The following ZHX3 variants were observed in gnomAD, a reference collection of about 807,000 sequenced individuals.
ZHX3 encodes zinc fingers and homeoboxes protein 3.
Under a neutral mutation model 64.5 loss-of-function variants are expected in ZHX3, and 20 were observed. That is an observed-to-expected ratio of 0.31 (90% CI 0.22 to 0.45). ZHX3 has a LOEUF of 0.45. ZHX3 is among the 20% of genes least tolerant of loss of function. The probability of loss-of-function intolerance (pLI) is 1.00; values close to 1 mark genes in which losing one functional copy is unlikely to be tolerated. For missense variants in ZHX3, 1,041 were observed against 1,195.8 expected (o/e 0.87, Z 1.91); for synonymous variants, 423 against 461.6 (o/e 0.92, Z 1.07).
intron 2 of ZHX3, among the ~76,000 whole-genome samples, chr20:41,257,929 G>A (rs1289423811): frequency 1.5e-5 from 2 of 136,140 alleles, no homozygotes; most frequent in Admixed American, 7.3e-5. Context: ...TTTTGAGACG[G>A]AGTTTTGCTC....
Position 41,184,833 on chromosome 20 carries a change from T to C in ZHX3, c.*358A>G. On this transcript the variant is annotated 3_prime_UTR_variant, in exon 4 of 4. Transcript: ENST00000683867. Reference sequence around the variant, plus strand: ...AGTTTCTACGTAATGACAGTGTTGATAATCTGATGTTTTATTTAACATATA... The same window carrying C: ...AGTTTCTACGTAATGACAGTGTTGACAATCTGATGTTTTATTTAACATATA... The C allele has an allele frequency of 7.1e-7, 1 of 1,412,990 alleles. No homozygotes were observed. The highest frequency in any genetic ancestry group is 9.4e-7 in the Non-Finnish European group (1 of 1,068,052). The allele number at this position is 1,412,990 out of a possible 1,614,324, so 87.5% of individuals were successfully genotyped here. A position where few individuals can be genotyped will look rare whatever the true frequency, so the allele number is the denominator to read the frequency against.
intron 3 of ZHX3, among the ~76,000 whole-genome samples, chr20:41,188,137 T>G (rs988449866): frequency 2.0e-5 from 3 of 152,144 alleles, no homozygotes; most frequent in African/African-American, 7.2e-5. Flanking sequence ...GAAATCAAGA[T>G]TTTTAGCTGC....
chr20:41,257,202 C>T (rs1216095915), intron 2 of ZHX3, among the ~76,000 whole-genome samples: 2 of 152,184 alleles, frequency 1.3e-5, no homozygotes, highest in East Asian at 1.9e-4. Context: ...ACTGAGGCAA[C>T]ATCTTCAGAG....
Position 41,286,763 on chromosome 20 carries a change from C to A in ZHX3, c.-244-17680G>T, listed in dbSNP as rs577784287. 2.4e-4 allele frequency among the ~76,000 whole-genome samples: 36 copies of A among 152,316 alleles called. 1 individual carries two copies. Among genetic ancestry groups the A allele is most frequent in the African/African-American group, 8.4e-4 (35 of 41,574 alleles). On this transcript the variant is annotated intron_variant, in intron 1 of 3. Transcript: ENST00000683867. ...TTTTGCTCTGTGTCCCCACCCAAAT[C>A]TCCTCTCAAATTGTAATTCCCACAT...
intron 1 of ZHX3, among the ~76,000 whole-genome samples, chr20:41,306,680 T>C (rs907742722): frequency 4.6e-5 from 7 of 152,242 alleles, no homozygotes; most frequent in East Asian, 1.9e-4. Context: ...ATGGGGCCTA[T>C]AGCATTGCCA....
intron 3 of ZHX3, among the ~76,000 whole-genome samples, chr20:41,187,180 T>C (rs374213942): frequency 6.6e-6 from 1 of 151,842 alleles, no homozygotes; most frequent in Non-Finnish European, 1.5e-5. Context: ...AAAATAGTAA[T>C]AATAAAATTA....
chr20:41,312,549 A>G (rs1399026865), intron 1 of ZHX3, among the ~76,000 whole-genome samples: 1 of 152,186 alleles, frequency 6.6e-6, no homozygotes, highest in Non-Finnish European at 1.5e-5. Flanking sequence ...CACACTATGA[A>G]TTTTAGTGAA....
chr20:41,218,936 T>TG (rs1021381025), intron 2 of ZHX3, among the ~76,000 whole-genome samples: 1 of 146,510 alleles, frequency 6.8e-6, no homozygotes, highest in African/African-American at 2.5e-5. Flanking sequence ...TTTTTTTTTT[T>TG]TTTTTTTTTT....
chr20:41,178,700 G>A lies in ZHX3; in HGVS notation c.*6491C>T, dbSNP rs1033304141. 2.0e-5 allele frequency: 3 copies of A among 152,608 alleles called. No homozygotes were observed. The highest frequency in any genetic ancestry group is 7.2e-5 in the African/African-American group (3 of 41,448). The allele number at this position is 152,608 out of a possible 1,614,324, so 9.5% of individuals were successfully genotyped here. A position where few individuals can be genotyped will look rare whatever the true frequency, so the allele number is the denominator to read the frequency against. On this transcript the variant is annotated 3_prime_UTR_variant, in exon 4 of 4. Coordinates refer to ENST00000683867, the MANE Select transcript of ZHX3 (RefSeq NM_001384317.1). ...CCTCAGCACGACCACAGTCCAAACC[G>A]AAGTTAAGTTCCATTTTTTTGTTAA...
At chr20:41,308,231 G>T (rs2045035489) in intron 1 of ZHX3, among the ~76,000 whole-genome samples, 1 of 152,086 alleles carries the variant, frequency 6.6e-6, no homozygotes, top group East Asian at 1.9e-4. Context: ...ATCTCAACTT[G>T]CAAAATGAAA....
chr20:41,227,736 A>G (rs2040361697), intron 2 of ZHX3, among the ~76,000 whole-genome samples: 1 of 152,232 alleles, frequency 6.6e-6, no homozygotes, highest in Non-Finnish European at 1.5e-5. Context: ...TTTTTAAACA[A>G]AAGGACTGCT....
intron 2 of ZHX3, among the ~76,000 whole-genome samples, chr20:41,268,621 C>G (rs2042977726): frequency 6.6e-6 from 1 of 152,082 alleles, no homozygotes; most frequent in African/African-American, 2.4e-5. Context: ...TTTTTCAAGT[C>G]AATCAAGTGT....
intron 3 of ZHX3, among the ~76,000 whole-genome samples, chr20:41,191,836 G>C (rs1477296870): frequency 1.3e-5 from 2 of 152,176 alleles, no homozygotes; most frequent in African/African-American, 4.8e-5. Context: ...GTAAAATTTT[G>C]CTAAGGACTG....
Position 41,203,068 on chromosome 20 carries a change from T to C in ZHX3, c.1849A>G (p.Lys617Glu), listed in dbSNP as rs2038380818. 1.2e-6 allele frequency: 2 copies of C among 1,614,070 alleles called. No individual in the cohort carries two copies. The highest frequency in any genetic ancestry group is 1.7e-6 in the Non-Finnish European group (2 of 1,180,002). Reference sequence around the variant, plus strand: ...CTGAGCTGCTCAGGGGCTCTCTCCTTGTATTTGGTTGGTGTGAAGTCAGGA... The same window carrying C: ...CTGAGCTGCTCAGGGGCTCTCTCCTCGTATTTGGTTGGTGTGAAGTCAGGA... Reference protein sequence around the residue: ...QTPDFTPTKYKERAPEQLRAL... With the variant: ...QTPDFTPTKYEERAPEQLRAL... Residue 617 changes from lysine to glutamate, a missense_variant, in exon 3 of 4, where the codon AAG (lysine) becomes GAG (glutamate). Physicochemically the swap from Lys to Glu is moderately conservative, Grantham distance 56. Around this residue, in one of 4 missense-constraint regions of ZHX3, gnomAD observed 649 missense variants for 739.8 expected, o/e 0.88. Coordinates refer to ENST00000683867, the MANE Select transcript of ZHX3 (RefSeq NM_001384317.1). This position sits in a 1 kb window ranked among gnomAD's most constrained non-coding sequence, Gnocchi z 7.1.
intron 2 of ZHX3, among the ~76,000 whole-genome samples, chr20:41,243,360 C>CT (rs1043066212): frequency 6.6e-6 from 1 of 152,176 alleles, no homozygotes; most frequent in African/African-American, 2.4e-5. Context: ...CAGTTCCATT[C>CT]TTCCCCATGA....
intron 1 of ZHX3, among the ~76,000 whole-genome samples, chr20:41,296,231 G>C: frequency 8.6e-5 from 2 of 23,314 alleles, no homozygotes; most frequent in Admixed American, 6.5e-4. Flanking sequence ...AGTTCATAAA[G>C]TAAAAAAAAA....
In ZHX3 at chr20:41,204,796, G is replaced by T; in HGVS notation, c.121C>A (p.Leu41Met). The T allele has an allele frequency of 6.2e-7, 1 of 1,613,570 alleles. No individual in the cohort carries two copies. The highest frequency in any genetic ancestry group is 8.5e-7 in the Non-Finnish European group (1 of 1,179,554). Residue 41 changes from leucine (L) to methionine (M), a missense_variant, in exon 3 of 4, where the codon CTG (leucine) becomes ATG (methionine). Leu to Met is a conservative substitution (Grantham distance 15). This residue lies in a region of ZHX3 where 358 missense variants were observed against 369.1 expected (regional missense o/e 0.97). Coordinates refer to ENST00000683867, the MANE Select transcript of ZHX3 (RefSeq NM_001384317.1). This position sits in a 1 kb window ranked among gnomAD's most constrained non-coding sequence, Gnocchi z 6.6. ...ETLPEGPQQD[L>M]PPEASAASSE... is the part of the protein sequence containing the mutation. Reference sequence around the variant, plus strand: ...CTGGCAGCAGATGCTTCTGGGGGCAGATCCTGCTGGGGTCCTTCAGGCAAG... The same window carrying T: ...CTGGCAGCAGATGCTTCTGGGGGCATATCCTGCTGGGGTCCTTCAGGCAAG...
intron 2 of ZHX3, among the ~76,000 whole-genome samples, chr20:41,255,103 G>T (rs1463420103): frequency 6.6e-6 from 1 of 152,114 alleles, no homozygotes; most frequent in African/African-American, 2.4e-5. Flanking sequence ...GGTCAGGGTG[G>T]TTTGGAAGAT....
chr20:41,267,277 C>CA (rs73623232), intron 2 of ZHX3, among the ~76,000 whole-genome samples: 67,115 of 152,070 alleles, frequency 0.44, 17,147 homozygotes, highest in East Asian at 0.81. Flanking sequence ...CCTTCTAGAT[C>CA]AAAGAGCTAT....
Sources: allele counts gnomAD v4.1 joint callset (sites outside exome capture counted in the v4.1 genomes callset), GRCh38; gene constraint gnomAD v4.1.1; regional missense constraint gnomAD v4.1.1; non-coding constraint Gnocchi (gnomAD v3.1); transcripts MANE v1.5; gene names NCBI Gene and HGNC (gene_info 2026-07-23, HGNC 2026-07-21).